The following KCNQ1OT1 variants were observed in gnomAD, a reference collection of about 807,000 sequenced individuals.
The protein encoded by KCNQ1OT1 is KCNQ1 antisense RNA 2 (non-protein coding).
At chr11:2,618,173 A>G (rs1001661790) in exon 1 of KCNQ1OT1, 1 of 398,330 alleles carries the variant, frequency 2.5e-6, no homozygotes, top group South Asian at 1.3e-4. Context: ...TAGGTCTTTT[A>G]TCCATTTTGA....
Position 2,671,668 on chromosome 11 carries a change from GC to G in KCNQ1OT1, n.28326del, listed in dbSNP as rs869176224. 7 of 385,390 alleles carry G rather than the reference GC, an allele frequency of 1.8e-5. No individual in the cohort carries two copies. Among genetic ancestry groups the G allele is most frequent in the South Asian group, 1.4e-4 (1 of 7,052 alleles). 23.9% of individuals were successfully genotyped at this position (385,390 alleles called of 1,614,324 possible). On this transcript the variant is annotated non_coding_transcript_exon_variant, in exon 1 of 1. Transcript: ENST00000597346. This position sits in a 1 kb window ranked among gnomAD's most constrained non-coding sequence, Gnocchi z 4.7. Reference sequence around the variant, plus strand: ...CCTGCTGGGGAAACTGAGGCAGAGAGCAGGGGTGACTTTGCAAGGCAATAGA... The same window carrying G: ...CCTGCTGGGGAAACTGAGGCAGAGAGAGGGGTGACTTTGCAAGGCAATAGA...
At position 2,677,803 on chromosome 11, in the gene KCNQ1OT1, T is replaced by A. The variant is rs1850319804; in HGVS notation, n.22192A>T. 7.5e-6 allele frequency: 3 copies of A among 398,562 alleles called. No individual in the cohort carries two copies. The East Asian group carries it at 1.1e-4, about 14-fold the overall frequency. 24.7% of individuals were successfully genotyped at this position (398,562 alleles called of 1,614,324 possible). On this transcript the variant is annotated non_coding_transcript_exon_variant, in exon 1 of 1. Transcript: ENST00000597346. The surrounding 1 kb of genome is among the most constrained non-coding windows in gnomAD (Gnocchi z 4.5). The stretch of plus-strand genomic sequence containing the variant: ...CCCCCCATTTCCAGCAGGATTAAAA[T>A]GTTCATTTATGTTGTGATAGATACT...
exon 1 of KCNQ1OT1, chr11:2,628,984 G>A: frequency 2.5e-6 from 1 of 398,186 alleles, no homozygotes; most frequent in Non-Finnish European, 4.4e-6. Flanking sequence ...TTCTATACCA[G>A]TACCATAACT....
chr11:2,678,751 G>T lies in KCNQ1OT1; in HGVS notation n.21244C>A. 5.0e-6 allele frequency: 2 copies of T among 398,622 alleles called. No individual in the cohort carries two copies. The highest frequency in any genetic ancestry group is 3.6e-5 in the East Asian group (1 of 28,072). 24.7% of individuals were successfully genotyped at this position (398,622 alleles called of 1,614,324 possible). ...CTCTTGAGTTAGACAGGAAGCTGGG[G>T]TGTTTGGGACTGAGGCTTCATCGTG... On this transcript the variant is annotated non_coding_transcript_exon_variant, in exon 1 of 1. Coordinates refer to ENST00000597346, the Ensembl canonical transcript of KCNQ1OT1. This position sits in a 1 kb window ranked among gnomAD's most constrained non-coding sequence, Gnocchi z 4.9.
In KCNQ1OT1 at chr11:2,691,443, C is replaced by T. The variant is rs1850586225; in HGVS notation, n.8552G>A. On this transcript the variant is annotated non_coding_transcript_exon_variant, in exon 1 of 1. Transcript: ENST00000597346. The surrounding 1 kb of genome is among the most constrained non-coding windows in gnomAD (Gnocchi z 6.4). The stretch of plus-strand genomic sequence containing the variant: ...AGTCCACTGAAGCTCCCTGCCCCCA[C>T]TGAGTCTCTGATGTTGACAGCCTCT... The T allele has an allele frequency of 2.5e-6, 1 of 398,526 alleles. No homozygotes were observed. Among genetic ancestry groups the T allele is most frequent in the African/African-American group, 2.1e-5 (1 of 48,624 alleles). The allele number at this position is 398,526 out of a possible 1,614,324, so 24.7% of individuals were successfully genotyped here.
exon 1 of KCNQ1OT1, chr11:2,644,940 G>A (rs1310315569): frequency 2.5e-6 from 1 of 398,612 alleles, no homozygotes; most frequent in African/African-American, 2.1e-5. Flanking sequence ...AGTGGCAGCA[G>A]TGGCTGGCCC....
In KCNQ1OT1 at chr11:2,676,539, TACAGGAAA is replaced by T. The variant is rs1850298202; in HGVS notation, n.23448_23455del. Reference sequence around the variant, plus strand: ...TTGGCAAAAGGCATAGAGGTAGTGGTACAGGAAAGGTCTAAGAAGGCTAAGGACCATCA... The same window carrying T: ...TTGGCAAAAGGCATAGAGGTAGTGGTGGTCTAAGAAGGCTAAGGACCATCA... On this transcript the variant is annotated non_coding_transcript_exon_variant, in exon 1 of 1. Coordinates refer to ENST00000597346, the Ensembl canonical transcript of KCNQ1OT1. The surrounding 1 kb of genome is among the most constrained non-coding windows in gnomAD (Gnocchi z 4.2). The T allele has an allele frequency of 5.0e-6, 2 of 398,524 alleles. No individual in the cohort carries two copies. The allele number at this position is 398,524 out of a possible 1,614,324, so 24.7% of individuals were successfully genotyped here.
chr11:2,644,553 T>A, exon 1 of KCNQ1OT1: 1 of 398,556 alleles, frequency 2.5e-6, no homozygotes, highest in Non-Finnish European at 4.4e-6. Flanking sequence ...GTTTCATCAA[T>A]TTCTTTTTCA....
exon 1 of KCNQ1OT1, chr11:2,641,849 T>C: frequency 2.5e-6 from 1 of 398,432 alleles, no homozygotes; most frequent in East Asian, 3.6e-5. Flanking sequence ...ATTTTTCACA[T>C]GGATATCTTA....
Position 2,663,241 on chromosome 11 carries a change from G to A in KCNQ1OT1, n.36754C>T, listed in dbSNP as rs1435884448. ...CTCCAAGGGAGCCAGCAGATCACTG[G>A]AAAGCAGGGGTGACTAGTCATGGAC... On this transcript the variant is annotated non_coding_transcript_exon_variant, in exon 1 of 1. Transcript: ENST00000597346. The surrounding 1 kb of genome is among the most constrained non-coding windows in gnomAD (Gnocchi z 5.2). 5.0e-6 allele frequency: 2 copies of A among 398,624 alleles called. No individual in the cohort carries two copies. Among genetic ancestry groups the A allele is most frequent in the Non-Finnish European group, 8.8e-6 (2 of 226,142 alleles). The allele number at this position is 398,624 out of a possible 1,614,324, so 24.7% of individuals were successfully genotyped here. A position where few individuals can be genotyped will look rare whatever the true frequency, so the allele number is the denominator to read the frequency against.
In KCNQ1OT1 at chr11:2,674,236, C is replaced by G. The variant is rs1850245462; in HGVS notation, n.25759G>C. ...TTCTTGGGGCCCAGATAGATGTGAG[C>G]AGAGCTGGAGGCCCCTCTCTCCCAG... is the stretch of plus-strand genomic sequence containing the variant. On this transcript the variant is annotated non_coding_transcript_exon_variant, in exon 1 of 1. Coordinates refer to ENST00000597346, the Ensembl canonical transcript of KCNQ1OT1. This position sits in a 1 kb window ranked among gnomAD's most constrained non-coding sequence, Gnocchi z 5.9. The G allele has an allele frequency of 2.5e-6, 1 of 398,586 alleles. No homozygotes were observed. 24.7% of individuals were successfully genotyped at this position (398,586 alleles called of 1,614,324 possible). A position where few individuals can be genotyped will look rare whatever the true frequency, so the allele number is the denominator to read the frequency against.
At chr11:2,699,614 A>AGAGAACCGCGCCGAAGCACCCCCGGG (rs1850747033) in exon 1 of KCNQ1OT1, 1 of 231,506 alleles carries the variant, frequency 4.3e-6, no homozygotes, top group Non-Finnish European at 7.0e-6. Context: ...AGGCCCCCGG[A>AGAGAACCGCGCCGAAGCACCCCCGGG]GAGAACCGCG....
rs1849647455 is a variant in KCNQ1OT1, at chr11:2,645,158, A to C, written n.54837T>G. 1 of 398,538 alleles carries C rather than the reference A, an allele frequency of 2.5e-6. No homozygotes were observed. The highest frequency in any genetic ancestry group is 4.4e-6 in the Non-Finnish European group (1 of 226,100). The allele number at this position is 398,538 out of a possible 1,614,324, so 24.7% of individuals were successfully genotyped here. On this transcript the variant is annotated non_coding_transcript_exon_variant, in exon 1 of 1. Transcript: ENST00000597346. The surrounding 1 kb of genome is among the most constrained non-coding windows in gnomAD (Gnocchi z 5.8). ...GTGGCAGAACAATCTTCTGCCTCCCAAGGTGTCCATGCTGGTATTGGGATG... is the reference window on the plus strand; with the variant it reads ...GTGGCAGAACAATCTTCTGCCTCCCCAGGTGTCCATGCTGGTATTGGGATG...
At chr11:2,672,939 G>C (rs1214510825) in exon 1 of KCNQ1OT1, 9 of 398,596 alleles carry the variant, frequency 2.3e-5, no homozygotes. Context: ...CCCACCACAG[G>C]TGGCAAGGAA....
rs891513584 is a variant in KCNQ1OT1, at chr11:2,674,296, T to C, written n.25699A>G. On this transcript the variant is annotated non_coding_transcript_exon_variant, in exon 1 of 1. Coordinates refer to ENST00000597346, the Ensembl canonical transcript of KCNQ1OT1. This position sits in a 1 kb window ranked among gnomAD's most constrained non-coding sequence, Gnocchi z 5.9. ...CACACACTAGGACCTTTCTTCATCA[T>C]GCAGCCGTAGAGCTGGAGGCCAAGG... The C allele has an allele frequency of 2.5e-6, 1 of 398,618 alleles. No homozygotes were observed. Among genetic ancestry groups the C allele is most frequent in the Non-Finnish European group, 4.4e-6 (1 of 226,110 alleles). 24.7% of individuals were successfully genotyped at this position (398,618 alleles called of 1,614,324 possible). A position where few individuals can be genotyped will look rare whatever the true frequency, so the allele number is the denominator to read the frequency against.
exon 1 of KCNQ1OT1, chr11:2,650,731 G>A (rs1849744061): frequency 2.5e-6 from 1 of 398,598 alleles, no homozygotes; most frequent in Non-Finnish European, 4.4e-6. Flanking sequence ...GAATGCTATT[G>A]GAATTTGGCT....
chr11:2,643,051 A>G (rs1849604665), exon 1 of KCNQ1OT1: 1 of 397,866 alleles, frequency 2.5e-6, no homozygotes, highest in African/African-American at 2.1e-5. Context: ...AAATATATAT[A>G]TATTTAAAAT....
Position 2,674,535 on chromosome 11 carries a change from G to A in KCNQ1OT1, n.25460C>T, listed in dbSNP as rs910386379. On this transcript the variant is annotated non_coding_transcript_exon_variant, in exon 1 of 1. Transcript: ENST00000597346. The surrounding 1 kb of genome is among the most constrained non-coding windows in gnomAD (Gnocchi z 5.9). The stretch of plus-strand genomic sequence containing the variant: ...ATGGCACTTGCAAAGCCCATTCGGA[G>A]GATTTAGACAAATACCTCGAGTGAG... 11 of 398,498 alleles carry A rather than the reference G, an allele frequency of 2.8e-5. No homozygotes were observed. Among genetic ancestry groups the A allele is most frequent in the Non-Finnish European group, 4.9e-5 (11 of 226,078 alleles). The allele number at this position is 398,498 out of a possible 1,614,324, so 24.7% of individuals were successfully genotyped here. A position where few individuals can be genotyped will look rare whatever the true frequency, so the allele number is the denominator to read the frequency against.
Position 2,691,057 on chromosome 11 carries a change from A to C in KCNQ1OT1, n.8938T>G, listed in dbSNP as rs1850579829. On this transcript the variant is annotated non_coding_transcript_exon_variant, in exon 1 of 1. Coordinates refer to ENST00000597346, the Ensembl canonical transcript of KCNQ1OT1. This position sits in a 1 kb window ranked among gnomAD's most constrained non-coding sequence, Gnocchi z 6.4. ...TATCAGGATATGCTGGGTGAGGGAA[A>C]TAATGGAGGCACCTTTGTTCTAGAT... is the stretch of plus-strand genomic sequence containing the variant. 2.5e-6 allele frequency: 1 copy of C among 398,528 alleles called. No homozygotes were observed. Among genetic ancestry groups the C allele is most frequent in the Non-Finnish European group, 4.4e-6 (1 of 226,088 alleles). 24.7% of individuals were successfully genotyped at this position (398,528 alleles called of 1,614,324 possible).
Sources: gnomAD v4.1 joint callset for allele counts on GRCh38, gnomAD v4.1.1 for gene constraint, Gnocchi (gnomAD v3.1) non-coding constraint, MANE v1.5 for transcripts, NCBI Gene and HGNC (gene_info 2026-07-23, HGNC 2026-07-21) for gene names.